The following UBE2G1 variants were observed in gnomAD, a reference collection of about 807,000 sequenced individuals.
The protein encoded by UBE2G1 is ubiquitin-conjugating enzyme E2 G1.
Under a neutral mutation model 22.7 loss-of-function variants are expected in UBE2G1, and 5 were observed. That is an observed-to-expected ratio of 0.22 (90% confidence interval 0.12 to 0.46). The LOEUF (loss-of-function observed/expected upper bound fraction) is 0.46. Ranked by LOEUF, UBE2G1 falls within the 20% of genes least tolerant of loss-of-function variation. The probability of loss-of-function intolerance (pLI) is 0.99; values close to 1 mark genes in which losing one functional copy is unlikely to be tolerated. For synonymous variants in UBE2G1, 74 were observed against 67.5 expected (o/e 1.10, Z -0.47); for missense variants, 88 against 203.9 (o/e 0.43, Z 3.46).
chr17:4,301,536 CT>C, intron 2 of UBE2G1: 3 of 1,287,860 alleles, frequency 2.3e-6, no homozygotes, highest in Non-Finnish European at 3.4e-6. Flanking sequence ...GAAATTCATG[CT>C]GCTATATGCC....
chr17:4,317,014 G>T (rs546947192), intron 1 of UBE2G1, among the ~76,000 whole-genome samples: 1 of 151,940 alleles, frequency 6.6e-6, no homozygotes, highest in African/African-American at 2.4e-5. Flanking sequence ...CGAGGCAGGA[G>T]GATCGCTTGA....
chr17:4,282,939 A>G lies in UBE2G1; in HGVS notation c.427-18T>C. ...CATTCTTTCTGTAGATTAAAAAAGC[A>G]GTATCAAGTGATTTCATGCAAACTC... On this transcript the variant is annotated intron_variant, in intron 4 of 5. Coordinates refer to ENST00000396981, the MANE Select transcript of UBE2G1 (RefSeq NM_003342.5). 6.3e-7 allele frequency: 1 copy of G among 1,597,904 alleles called. No individual in the cohort carries two copies. The highest frequency in any genetic ancestry group is 2.2e-5 in the East Asian group (1 of 44,682).
intron 1 of UBE2G1, among the ~76,000 whole-genome samples, chr17:4,316,348 A>G (rs188798680): frequency 6.6e-6 from 1 of 152,236 alleles, no homozygotes; most frequent in East Asian, 1.9e-4. Context: ...AGACCCCTTT[A>G]CCCAAACAGT....
At chr17:4,302,010 GA>G in intron 2 of UBE2G1, 3 of 493,256 alleles carry the variant, frequency 6.1e-6, no homozygotes, top group Non-Finnish European at 1.2e-5. Flanking sequence ...TGCGAGAGCA[GA>G]GAGAATCCTT....
chr17:4,307,432 C>T (rs1360252185), intron 1 of UBE2G1, among the ~76,000 whole-genome samples: 3 of 152,138 alleles, frequency 2.0e-5, no homozygotes, highest in African/African-American at 7.2e-5. Flanking sequence ...GGCCCGTCCC[C>T]CAGAGATTCT....
At chr17:4,299,034 G>A (rs73328764) in intron 2 of UBE2G1, among the ~76,000 whole-genome samples, 140 of 152,230 alleles carry the variant, frequency 9.2e-4, no homozygotes, top group African/African-American at 3.3e-3. Flanking sequence ...CTGATTACAT[G>A]GACTAGTTTT....
intron 5 of UBE2G1, among the ~76,000 whole-genome samples, chr17:4,279,754 G>A (rs74622661): frequency 0.05 from 6,082 of 120,958 alleles, 196 homozygotes; most frequent in Non-Finnish European, 0.079. Context: ...CAGCCCGAGC[G>A]ACACAGCGAA....
intron 3 of UBE2G1, among the ~76,000 whole-genome samples, chr17:4,292,845 G>A (rs964927853): frequency 6.6e-6 from 1 of 152,164 alleles, no homozygotes; most frequent in Admixed American, 6.5e-5. Flanking sequence ...AGGCCCTTAA[G>A]CTCATTGCTG....
At chr17:4,294,511 A>G (rs1567516920) in intron 3 of UBE2G1, among the ~76,000 whole-genome samples, 1 of 152,272 alleles carries the variant, frequency 6.6e-6, no homozygotes, top group East Asian at 1.9e-4. Context: ...CCACCATTTT[A>G]TCAGCTGTCC....
chr17:4,345,943 T>A (rs770831183), intron 1 of UBE2G1, among the ~76,000 whole-genome samples: 3 of 152,232 alleles, frequency 2.0e-5, no homozygotes, highest in Non-Finnish European at 4.4e-5. Context: ...ATATTTCATA[T>A]AATTTGGATA....
At chr17:4,321,945 T>G (rs1407019896) in intron 1 of UBE2G1, among the ~76,000 whole-genome samples, 1 of 152,204 alleles carries the variant, frequency 6.6e-6, no homozygotes, top group Non-Finnish European at 1.5e-5. Flanking sequence ...CAACATAATT[T>G]TTCTTTTTTA....
chr17:4,348,502 G>A (rs1306902551), intron 1 of UBE2G1, among the ~76,000 whole-genome samples: 1 of 144,904 alleles, frequency 6.9e-6, no homozygotes, highest in Non-Finnish European at 1.5e-5. Flanking sequence ...GCAGTGAGCC[G>A]AGATCCCGCC....
chr17:4,363,114 C>CT (rs1386473815), intron 1 of UBE2G1, among the ~76,000 whole-genome samples: 1 of 152,144 alleles, frequency 6.6e-6, no homozygotes, highest in Admixed American at 6.6e-5. Flanking sequence ...AAGTAAAACT[C>CT]TGTCTCAAAA....
chr17:4,280,336 C>CTTT (rs71144178), intron 5 of UBE2G1, among the ~76,000 whole-genome samples: 1 of 68,950 alleles, frequency 1.5e-5, no homozygotes, highest in African/African-American at 6.6e-5. Context: ...GGCACCTGGG[C>CTTT]TTTTTTTTTT....
chr17:4,314,919 G>A (rs1969348697), intron 1 of UBE2G1, among the ~76,000 whole-genome samples: 1 of 152,222 alleles, frequency 6.6e-6, no homozygotes, highest in Non-Finnish European at 1.5e-5. Flanking sequence ...ACTGCAAGGA[G>A]CACAAAAGAG....
intron 1 of UBE2G1, among the ~76,000 whole-genome samples, chr17:4,326,119 G>A (rs916953067): frequency 6.6e-6 from 1 of 151,758 alleles, no homozygotes; most frequent in Non-Finnish European, 1.5e-5. Context: ...AAATGATCTG[G>A]ATCAAAATTT....
chr17:4,311,037 CCT>C (rs1446638734), intron 1 of UBE2G1, among the ~76,000 whole-genome samples: 10 of 151,912 alleles, frequency 6.6e-5, no homozygotes, highest in African/African-American at 1.2e-4. Flanking sequence ...ATGGCAAACC[CCT>C]GTCTCTACCA....
At chr17:4,321,451 C>G (rs1478296519) in intron 1 of UBE2G1, among the ~76,000 whole-genome samples, 8 of 152,032 alleles carry the variant, frequency 5.3e-5, no homozygotes, top group Admixed American at 5.2e-4. Context: ...TTGAGTGATT[C>G]TCTTTTTTCT....
intron 1 of UBE2G1, among the ~76,000 whole-genome samples, chr17:4,316,334 A>G (rs1251803715): frequency 5.3e-5 from 2 of 37,472 alleles, no homozygotes; most frequent in African/African-American, 8.0e-5. Flanking sequence ...GATCATAGAT[A>G]GACAGACCCC....
Sources: gnomAD v4.1 joint callset for allele counts (sites outside exome capture counted in the v4.1 genomes callset) on GRCh38, gnomAD v4.1.1 for gene constraint, MANE v1.5 for transcripts, NCBI Gene and HGNC (gene_info 2026-07-23, HGNC 2026-07-21) for gene names.